The following SUCLG1 variants were observed in gnomAD, a reference collection of about 807,000 sequenced individuals.
SUCLG1 encodes the protein succinate--CoA ligase [ADP/GDP-forming] subunit alpha, mitochondrial.
Under a neutral mutation model 37.3 loss-of-function variants are expected in SUCLG1, and 26 were observed. That is an observed-to-expected ratio of 0.70 (90% confidence interval 0.51 to 0.97). SUCLG1 has a LOEUF of 0.97. Among genes scored for constraint, SUCLG1 ranks in the 50% least tolerant of loss-of-function variants. The pLI, the probability that SUCLG1 is intolerant of heterozygous loss-of-function variation, is 0.00. For synonymous variants in SUCLG1, 163 were observed against 155.6 expected (o/e 1.05, Z -0.36); for missense variants, 433 against 432.9 (o/e 1.00, Z 0.00).
Position 84,441,108 on chromosome 2 carries a change from A to T in SUCLG1, c.532-4T>A, listed in dbSNP as rs773489950. On this transcript the variant is annotated splice_polypyrimidine_tract_variant and splice_region_variant and intron_variant, in intron 4 of 8. Transcript: ENST00000393868. ...TGCCAATTTTACATTCTCCAGGCTG[A>T]AAGTAATCATAGTTTTCAGAAATGT... is the stretch of plus-strand genomic sequence containing the variant. 2 of 1,614,082 alleles carry T rather than the reference A, an allele frequency of 1.2e-6. No homozygotes were observed. Among genetic ancestry groups the T allele is most frequent in the Non-Finnish European group, 1.7e-6 (2 of 1,180,002 alleles).
At chr2:84,439,247 T>G (rs555809520) in intron 5 of SUCLG1, among the ~76,000 whole-genome samples, 1 of 151,948 alleles carries the variant, frequency 6.6e-6, no homozygotes, top group African/African-American at 2.4e-5. Context: ...CAGACGACTG[T>G]CTCATCAATG....
intron 1 of SUCLG1, among the ~76,000 whole-genome samples, chr2:84,449,989 T>C (rs1018899444): frequency 5.3e-5 from 8 of 152,118 alleles, no homozygotes; most frequent in African/African-American, 1.9e-4. Context: ...AGAACCACGA[T>C]CTTGTAGTTT....
intron 7 of SUCLG1, chr2:84,426,665 T>TA (rs5832609): frequency 0.95 from 141,205 of 147,940 alleles, 67,400 homozygotes; most frequent in East Asian, 1. Flanking sequence ...GACTCTGTCT[T>TA]AAAAAAAAAA....
chr2:84,451,978 T>C (rs1043101307), intron 1 of SUCLG1, among the ~76,000 whole-genome samples: 21 of 152,196 alleles, frequency 1.4e-4, no homozygotes, highest in Non-Finnish European at 1.8e-4. Flanking sequence ...ACCTGTATGA[T>C]GCCAGACAAG....
chr2:84,430,821 C>A (rs1672602952), intron 7 of SUCLG1, among the ~76,000 whole-genome samples: 1 of 152,138 alleles, frequency 6.6e-6, no homozygotes, highest in East Asian at 1.9e-4. Flanking sequence ...ATGGCCACAG[C>A]ACAAATTCAC....
At chr2:84,429,601 C>G (rs949730671) in intron 7 of SUCLG1, among the ~76,000 whole-genome samples, 1 of 151,938 alleles carries the variant, frequency 6.6e-6, no homozygotes, top group African/African-American at 2.4e-5. Flanking sequence ...AAGGAACAAG[C>G]AAAGGCAAGT....
At chr2:84,427,060 G>A (rs975851443) in intron 7 of SUCLG1, 3 of 153,682 alleles carry the variant, frequency 2.0e-5, no homozygotes, top group African/African-American at 7.2e-5. Flanking sequence ...GAAGAGTTGC[G>A]TTATTTTACC....
intron 5 of SUCLG1, among the ~76,000 whole-genome samples, chr2:84,439,190 A>T (rs551826483): frequency 0.032 from 4,446 of 141,138 alleles, 153 homozygotes; most frequent in African/African-American, 0.084. Context: ...TCTTTTTTTT[A>T]AAAAAAAAAA....
chr2:84,428,712 G>A (rs1672571993), intron 7 of SUCLG1, among the ~76,000 whole-genome samples: 1 of 152,226 alleles, frequency 6.6e-6, no homozygotes, highest in Non-Finnish European at 1.5e-5. Context: ...AGACTATGGG[G>A]AAGTGTAGTC....
chr2:84,453,438 G>A (rs1179208869), intron 1 of SUCLG1, among the ~76,000 whole-genome samples: 1 of 150,146 alleles, frequency 6.7e-6, no homozygotes, highest in Non-Finnish European at 1.5e-5. Context: ...TTTTTGAGAC[G>A]TTGTTTTACT....
intron 1 of SUCLG1, among the ~76,000 whole-genome samples, chr2:84,451,764 G>A (rs1672946451): frequency 6.6e-6 from 1 of 152,116 alleles, no homozygotes; most frequent in African/African-American, 2.4e-5. Flanking sequence ...ACTAAATCTT[G>A]GGAAACCTCT....
At chr2:84,427,594 G>A (rs1672553340) in intron 7 of SUCLG1, among the ~76,000 whole-genome samples, 1 of 152,246 alleles carries the variant, frequency 6.6e-6, no homozygotes, top group African/African-American at 2.4e-5. Flanking sequence ...CACAGTTGCA[G>A]ATGCAAATTT....
chr2:84,457,729 T>C (rs556381273), intron 1 of SUCLG1, among the ~76,000 whole-genome samples: 1 of 152,144 alleles, frequency 6.6e-6, no homozygotes, highest in East Asian at 1.9e-4. Context: ...CCACTATCTA[T>C]TCAAATTAAG....
In SUCLG1 at chr2:84,449,102, A is replaced by G. The variant is rs191559118; in HGVS notation, c.201+547T>C. Among the ~76,000 whole-genome samples the G allele has an allele frequency of 1.4e-3, 209 of 152,318 alleles. 2 individuals carry two copies. Among genetic ancestry groups the G allele is most frequent in the African/African-American group, 4.6e-3 (193 of 41,578 alleles). ...AATGAATATAAATAAATGACAACAA[A>G]TTAAAACACTTCAGGCAATTCTGCC... is the stretch of plus-strand genomic sequence containing the variant. On this transcript the variant is annotated intron_variant, in intron 2 of 8. Coordinates refer to ENST00000393868, the MANE Select transcript of SUCLG1 (RefSeq NM_003849.4).
chr2:84,435,736 C>T (rs1461171773), intron 5 of SUCLG1, among the ~76,000 whole-genome samples: 1 of 152,142 alleles, frequency 6.6e-6, no homozygotes, highest in African/African-American at 2.4e-5. Context: ...GCAACTGATA[C>T]CCTCTCATGC....
intron 6 of SUCLG1, chr2:84,433,150 C>T: frequency 1.6e-6 from 1 of 626,810 alleles, no homozygotes; most frequent in Non-Finnish European, 2.8e-6. Context: ...AGTTCTTCAA[C>T]CTAGAAATGA....
At chr2:84,435,041 C>T (rs1030930066) in intron 5 of SUCLG1, among the ~76,000 whole-genome samples, 1 of 152,200 alleles carries the variant, frequency 6.6e-6, no homozygotes, top group Admixed American at 6.5e-5. Flanking sequence ...CCTCACTTCA[C>T]GTGGAACTCT....
At chr2:84,458,709 CA>C (rs923705957) in intron 1 of SUCLG1, 5 of 155,604 alleles carry the variant, frequency 3.2e-5, no homozygotes, top group African/African-American at 1.2e-4. Context: ...ATTCGAAGTG[CA>C]GGACCTTTCC....
At chr2:84,439,953 A>C (rs113756375) in intron 5 of SUCLG1, among the ~76,000 whole-genome samples, 48 of 152,322 alleles carry the variant, frequency 3.2e-4, no homozygotes, top group African/African-American at 1.2e-3. Context: ...TAAAAGAACA[A>C]GGTAATTATT....
Sources: gnomAD v4.1 joint callset for allele counts (sites outside exome capture counted in the v4.1 genomes callset) on GRCh38, gnomAD v4.1.1 for gene constraint, MANE v1.5 for transcripts, NCBI Gene and HGNC (gene_info 2026-07-23, HGNC 2026-07-21) for gene names.